TPST1: variants seen among roughly 807,000 people sequenced by gnomAD.
The protein encoded by TPST1 is tyrosylprotein sulfotransferase 1.
TPST1 carries 20 observed loss-of-function variants against 34.8 expected under a neutral mutation model. That is an observed-to-expected ratio of 0.57 (90% CI 0.40 to 0.84). The LOEUF (loss-of-function observed/expected upper bound fraction) is 0.84. Among genes scored for constraint, TPST1 ranks in the 40% least tolerant of loss-of-function variants. The probability of loss-of-function intolerance (pLI) is 0.00; values close to 1 mark genes in which losing one functional copy is unlikely to be tolerated. For missense variants in TPST1, 353 were observed against 455.5 expected, an observed-to-expected ratio of 0.78 and a Z score of 2.05; for synonymous variants, 152 against 159.4, an observed-to-expected ratio of 0.95 and a Z score of 0.35.
At chr7:66,252,584 C>T (rs546855266) in intron 2 of TPST1, among the ~76,000 whole-genome samples, 3 of 152,196 alleles carry the variant, frequency 2.0e-5, no homozygotes, top group East Asian at 1.9e-4. Flanking sequence ...CCGCCCACCT[C>T]GGCCTCCCAA....
At chr7:66,283,041 G>A (rs1165966481) in intron 2 of TPST1, among the ~76,000 whole-genome samples, 1 of 152,116 alleles carries the variant, frequency 6.6e-6, no homozygotes, top group African/African-American at 2.4e-5. Context: ...AGCCGAGGTG[G>A]GCAGATCACC....
At chr7:66,356,054 A>G (rs974523246) in intron 4 of TPST1, among the ~76,000 whole-genome samples, 3 of 152,210 alleles carry the variant, frequency 2.0e-5, no homozygotes, top group East Asian at 1.9e-4. Context: ...AAAAGAAACA[A>G]TCATGCAGAA....
At chr7:66,326,684 C>T (rs77834513) in intron 3 of TPST1, among the ~76,000 whole-genome samples, 2,128 of 152,244 alleles carry the variant, frequency 0.014, 57 homozygotes, top group African/African-American at 0.048. Flanking sequence ...TTCACAGTCA[C>T]GACACATTCC....
intron 2 of TPST1, among the ~76,000 whole-genome samples, chr7:66,254,935 C>T (rs535340144): frequency 1.2e-3 from 179 of 151,990 alleles, no homozygotes; most frequent in Non-Finnish European, 2.1e-3. Context: ...ATCACTAGGT[C>T]AGGAGATCGA....
chr7:66,235,789 A>G (rs1789900679), intron 1 of TPST1, among the ~76,000 whole-genome samples: 1 of 152,158 alleles, frequency 6.6e-6, no homozygotes, highest in Non-Finnish European at 1.5e-5. Context: ...CAATCAATAT[A>G]TGTAAGAAGT....
At chr7:66,214,491 G>A (rs1167924975) in intron 1 of TPST1, among the ~76,000 whole-genome samples, 1 of 151,216 alleles carries the variant, frequency 6.6e-6, no homozygotes, top group Non-Finnish European at 1.5e-5. Flanking sequence ...ACTAAAATTG[G>A]CTGTATATGT....
chr7:66,211,283 C>T (rs966702803), intron 1 of TPST1, among the ~76,000 whole-genome samples: 4 of 152,088 alleles, frequency 2.6e-5, no homozygotes, highest in Admixed American at 1.3e-4. Flanking sequence ...TGCAGGCATG[C>T]ACCACTACGC....
intron 3 of TPST1, among the ~76,000 whole-genome samples, chr7:66,323,488 A>G (rs1316908501): frequency 2.0e-5 from 3 of 152,072 alleles, no homozygotes; most frequent in African/African-American, 7.2e-5. Flanking sequence ...TTTTCTTTAT[A>G]TTTTATTATT....
At chr7:66,280,983 T>C (rs564921858) in intron 2 of TPST1, among the ~76,000 whole-genome samples, 8 of 152,306 alleles carry the variant, frequency 5.3e-5, no homozygotes, top group African/African-American at 1.2e-4. Context: ...ATATCACTTA[T>C]TGTTTTGAGG....
At position 66,335,722 on chromosome 7, in the gene TPST1, T is replaced by C. The variant is rs534023518; in HGVS notation, c.1045-16783T>C. ...AAGTTAGTTTAGTTTTAGTGCAGTG[T>C]TTCAGTTCTGATGCTCACTGTAAGT... On this transcript the variant is annotated intron_variant, in intron 3 of 5. Coordinates refer to ENST00000304842, the MANE Select transcript of TPST1 (RefSeq NM_003596.4). Among the ~76,000 whole-genome samples the C allele has an allele frequency of 1.8e-4, 27 of 152,288 alleles. 1 individual carries two copies. In the South Asian group the frequency reaches 3.7e-3, roughly 21 times the overall value.
intron 3 of TPST1, among the ~76,000 whole-genome samples, chr7:66,307,016 C>G (rs1791437361): frequency 6.6e-6 from 1 of 151,860 alleles, no homozygotes; most frequent in Admixed American, 6.6e-5. Context: ...GCGCCTGGCC[C>G]AAGGTAGTTA....
chr7:66,200,568 C>T (rs1028996942), upstream of TPST1, among the ~76,000 whole-genome samples: 2 of 151,758 alleles, frequency 1.3e-5, no homozygotes, highest in Non-Finnish European at 2.9e-5. Flanking sequence ...TACAGGCGCC[C>T]GCCAGCACAC....
chr7:66,348,236 G>T (rs1792395568), intron 3 of TPST1, among the ~76,000 whole-genome samples: 1 of 152,036 alleles, frequency 6.6e-6, no homozygotes, highest in South Asian at 2.1e-4. Context: ...CTCTTCTCTG[G>T]ATTATTGCTA....
rs766876320 is a variant in TPST1 at position 66,241,329 on chromosome 7, A to G, written c.845+59A>G. ...ATATTTAGCTAATAATGATCTATAC[A>G]TATGTATGTATGTGTTTTATGTATA... is the stretch of plus-strand genomic sequence containing the variant. On this transcript the variant is annotated intron_variant, in intron 2 of 5. Transcript: ENST00000304842. 69 of 1,529,350 alleles carry G rather than the reference A, an allele frequency of 4.5e-5. No homozygotes were observed. Among genetic ancestry groups the G allele is most frequent in the Non-Finnish European group, 5.9e-5 (67 of 1,140,998 alleles). 94.7% of individuals were successfully genotyped at this position (1,529,350 alleles called of 1,614,324 possible). A position where few individuals can be genotyped will look rare whatever the true frequency, so the allele number is the denominator to read the frequency against.
chr7:66,337,440 C>G (rs1358028788), intron 3 of TPST1, among the ~76,000 whole-genome samples: 1 of 151,094 alleles, frequency 6.6e-6, no homozygotes, highest in African/African-American at 2.4e-5. Context: ...CTCCGAGTAA[C>G]TGGGATTACA....
intron 1 of TPST1, among the ~76,000 whole-genome samples, chr7:66,213,753 A>T (rs1320848574): frequency 1.3e-5 from 2 of 152,074 alleles, no homozygotes; most frequent in African/African-American, 2.4e-5. Context: ...CAAAAAAAAA[A>T]AAAAAAGAAT....
rs541701072 is a variant in TPST1 at position 66,342,188 on chromosome 7, C to T, written c.1045-10317C>T. On this transcript the variant is annotated intron_variant, in intron 3 of 5. Coordinates refer to ENST00000304842, the MANE Select transcript of TPST1 (RefSeq NM_003596.4). ...ACAGTACCATGAAACTGTAGAACAC[C>T]AAGGACAAAGAGAAGCTGCAAAAAC... Among the ~76,000 whole-genome samples, 50 of 152,132 alleles carry T rather than the reference C, an allele frequency of 3.3e-4. 1 individual carries two copies. The South Asian group carries it at 9.6e-3, about 29-fold the overall frequency.
intron 3 of TPST1, among the ~76,000 whole-genome samples, chr7:66,313,851 GT>G (rs35542514): frequency 2.0e-5 from 3 of 151,194 alleles, no homozygotes; most frequent in East Asian, 1.9e-4. Context: ...GGACTTTGTA[GT>G]TTTTTTTTCC....
chr7:66,300,945 C>CG (rs1791302931), intron 3 of TPST1, among the ~76,000 whole-genome samples: 1 of 138,238 alleles, frequency 7.2e-6, no homozygotes, highest in Non-Finnish European at 1.6e-5. Flanking sequence ...GACTCCATCT[C>CG]AAAAAAAAAA....
Sources: allele counts gnomAD v4.1 joint callset (sites outside exome capture counted in the v4.1 genomes callset), GRCh38; gene constraint gnomAD v4.1.1; transcripts MANE v1.5; gene names NCBI Gene and HGNC (gene_info 2026-07-23, HGNC 2026-07-21).